The following EPHA6 variants were observed in gnomAD, a reference collection of about 807,000 sequenced individuals.
EPHA6 encodes ephrin type-A receptor 6.
EPHA6 carries 50 observed loss-of-function variants against 112.0 expected under a neutral mutation model. The observed-to-expected ratio is 0.45, with a 90% confidence interval of 0.36 to 0.56. The LOEUF (loss-of-function observed/expected upper bound fraction) is 0.56, where lower values mean the gene tolerates loss of function less well. EPHA6 is among the 20% of genes least tolerant of loss of function. The probability of loss-of-function intolerance (pLI) is 0.00; values close to 1 mark genes in which losing one functional copy is unlikely to be tolerated. For synonymous variants in EPHA6, 529 were observed against 490.7 expected (o/e 1.08, Z -1.03); for missense variants, 1,280 against 1,417.4 (o/e 0.90, Z 1.56).
At chr3:96,931,026 A>T (rs2040297769) in intron 2 of EPHA6, among the ~76,000 whole-genome samples, 1 of 81,238 alleles carries the variant, frequency 1.2e-5, no homozygotes, top group East Asian at 3.4e-4. Flanking sequence ...AAAAAAGAAA[A>T]GCTTTCTGGC....
At chr3:97,572,383 C>T (rs867103103) in intron 11 of EPHA6, among the ~76,000 whole-genome samples, 33 of 152,092 alleles carry the variant, frequency 2.2e-4, no homozygotes, top group African/African-American at 7.7e-4. Flanking sequence ...ATCTCCTGAC[C>T]TCATGATCCA....
At chr3:97,393,493 T>C (rs568337318) in intron 5 of EPHA6, among the ~76,000 whole-genome samples, 1 of 151,910 alleles carries the variant, frequency 6.6e-6, no homozygotes, top group South Asian at 2.1e-4. Flanking sequence ...TAAAGATAAC[T>C]TGTCTGGTCT....
intron 1 of EPHA6, among the ~76,000 whole-genome samples, chr3:96,818,899 A>G (rs1367182128): frequency 6.6e-6 from 1 of 151,896 alleles, no homozygotes; most frequent in Non-Finnish European, 1.5e-5. Context: ...TGTTAGACAT[A>G]AGTATAAATA....
At chr3:97,447,676 T>G (rs1178634868) in intron 6 of EPHA6, 3 of 660,384 alleles carry the variant, frequency 4.5e-6, no homozygotes, top group South Asian at 1.4e-4. Flanking sequence ...TGTTCTGAGA[T>G]AGTGGGCAAG....
At chr3:97,716,901 G>T (rs1295952912) in intron 14 of EPHA6, among the ~76,000 whole-genome samples, 1 of 151,950 alleles carries the variant, frequency 6.6e-6, no homozygotes, top group Non-Finnish European at 1.5e-5. Flanking sequence ...ATTTATTCCA[G>T]TTCATACTTT....
At chr3:97,062,035 T>G (rs2046038426) in intron 3 of EPHA6, among the ~76,000 whole-genome samples, 1 of 152,106 alleles carries the variant, frequency 6.6e-6, no homozygotes, top group African/African-American at 2.4e-5. Context: ...GAGGTGAAGA[T>G]TCCCAGTGAC....
At chr3:97,497,769 A>G (rs2092017061) in intron 10 of EPHA6, among the ~76,000 whole-genome samples, 1 of 152,094 alleles carries the variant, frequency 6.6e-6, no homozygotes, top group Non-Finnish European at 1.5e-5. Context: ...TGCGGGGTTA[A>G]TTGCTGTGAT....
rs2036021083 is a variant in EPHA6 at position 97,756,175 on chromosome 3, GT to G, written c.*7479del. On this transcript the variant is annotated 3_prime_UTR_variant, in exon 18 of 18. Transcript: ENST00000389672. The stretch of plus-strand genomic sequence containing the variant: ...ATATAATTATTAAAGTCATGAGGAA[GT>G]TTTTCTTTGACTGTGCATGCTTTAT... Among the ~76,000 whole-genome samples, 5 of 152,040 alleles carry G rather than the reference GT, an allele frequency of 3.3e-5. No individual in the cohort carries two copies. The South Asian group carries it at 1.0e-3, about 31-fold the overall frequency.
intron 2 of EPHA6, among the ~76,000 whole-genome samples, chr3:96,922,681 G>T (rs1394616233): frequency 1.3e-5 from 2 of 151,722 alleles, no homozygotes; most frequent in African/African-American, 4.8e-5. Context: ...GGCTATGTGT[G>T]CAGGATGTGT....
chr3:97,019,195 G>A (rs563289935), intron 3 of EPHA6, among the ~76,000 whole-genome samples: 9 of 152,174 alleles, frequency 5.9e-5, no homozygotes, highest in Admixed American at 1.3e-4. Context: ...GGAACAGCTC[G>A]TGTCCTCGGT....
At chr3:96,836,051 A>C (rs1038091549) in intron 1 of EPHA6, among the ~76,000 whole-genome samples, 2 of 152,112 alleles carry the variant, frequency 1.3e-5, no homozygotes, top group Non-Finnish European at 2.9e-5. Flanking sequence ...CTGAAATATA[A>C]TCTAGAGATA....
intron 10 of EPHA6, among the ~76,000 whole-genome samples, chr3:97,500,990 C>T (rs1035812702): frequency 5.3e-5 from 8 of 152,058 alleles, no homozygotes; most frequent in Non-Finnish European, 7.4e-5. Context: ...ACCTACTCTT[C>T]GTAATATTTT....
chr3:97,261,506 T>A (rs1227255889), intron 5 of EPHA6, among the ~76,000 whole-genome samples: 1 of 152,174 alleles, frequency 6.6e-6, no homozygotes, highest in Non-Finnish European at 1.5e-5. Context: ...CCTGGAGATG[T>A]TATACATCAC....
At chr3:97,460,688 A>G (rs2090858789) in intron 7 of EPHA6, among the ~76,000 whole-genome samples, 1 of 152,158 alleles carries the variant, frequency 6.6e-6, no homozygotes, top group African/African-American at 2.4e-5. Flanking sequence ...TCAGAATCCA[A>G]GATTCCTCAA....
chr3:97,548,215 G>C (rs768490570), intron 11 of EPHA6, among the ~76,000 whole-genome samples: 1 of 152,018 alleles, frequency 6.6e-6, no homozygotes, highest in East Asian at 1.9e-4. Flanking sequence ...CTCCTCCTGG[G>C]TGTGTCTTGT....
At chr3:97,132,796 G>C (rs2075666806) in intron 3 of EPHA6, among the ~76,000 whole-genome samples, 2 of 152,028 alleles carry the variant, frequency 1.3e-5, no homozygotes, top group Non-Finnish European at 2.9e-5. Flanking sequence ...TTGTCCTGTA[G>C]TAAAGTAGAA....
intron 5 of EPHA6, among the ~76,000 whole-genome samples, chr3:97,339,485 A>G (rs987979253): frequency 2.0e-5 from 3 of 152,216 alleles, no homozygotes; most frequent in South Asian, 2.1e-4. Flanking sequence ...ACATTTTACA[A>G]TGGCAGTAGA....
chr3:97,466,140 G>T (rs1001201358), intron 7 of EPHA6: 10 of 554,960 alleles, frequency 1.8e-5, no homozygotes, highest in Admixed American at 7.5e-5. Context: ...GTAGAAAAAG[G>T]TTGTTTTAGA....
chr3:97,218,264 C>T (rs1180583167), intron 3 of EPHA6, among the ~76,000 whole-genome samples: 1 of 151,212 alleles, frequency 6.6e-6, no homozygotes, highest in Non-Finnish European at 1.5e-5. Flanking sequence ...GAGTGAGACC[C>T]TATCTTAAAA....
Sources: allele counts gnomAD v4.1 joint callset (sites outside exome capture counted in the v4.1 genomes callset), GRCh38; gene constraint gnomAD v4.1.1; transcripts MANE v1.5; gene names NCBI Gene and HGNC (gene_info 2026-07-23, HGNC 2026-07-21).